ANXA13: variants seen among roughly 807,000 people sequenced by gnomAD.
The protein encoded by ANXA13 is annexin XIII.
Under a neutral mutation model 46.6 loss-of-function variants are expected in ANXA13, and 36 were observed. That is an observed-to-expected ratio of 0.77 (90% CI 0.59 to 1.02). The LOEUF is 1.02. ANXA13 is among the 50% of genes least tolerant of loss of function. The probability of loss-of-function intolerance (pLI) is 0.00; values close to 1 mark genes in which losing one functional copy is unlikely to be tolerated. For synonymous variants in ANXA13, 163 were observed against 152.9 expected, an observed-to-expected ratio of 1.07 and a Z score of -0.49; for missense variants, 417 against 396.5, an observed-to-expected ratio of 1.05 and a Z score of -0.44.
At chr8:123,701,493 C>T (rs1044908884) in intron 3 of ANXA13, among the ~76,000 whole-genome samples, 4 of 151,816 alleles carry the variant, frequency 2.6e-5, no homozygotes, top group Middle Eastern at 3.4e-3. Context: ...ACAACAACAA[C>T]AAAAAAAACC....
At chr8:123,727,047 T>C (rs4871410) in intron 1 of ANXA13, among the ~76,000 whole-genome samples, 34,162 of 151,908 alleles carry the variant, frequency 0.22, 5,006 homozygotes, top group Non-Finnish European at 0.33. Flanking sequence ...TTTTTGGGAC[T>C]TGGGGGAAAG....
intron 1 of ANXA13, among the ~76,000 whole-genome samples, chr8:123,718,785 C>T (rs546734540): frequency 6.6e-6 from 1 of 152,192 alleles, no homozygotes; most frequent in Non-Finnish European, 1.5e-5. Flanking sequence ...TCCTAGGAAG[C>T]GGTGTCACCT....
intron 10 of ANXA13, among the ~76,000 whole-genome samples, chr8:123,683,049 G>T (rs1813067124): frequency 6.6e-6 from 1 of 152,124 alleles, no homozygotes; most frequent in Non-Finnish European, 1.5e-5. Context: ...TCATCTCTCA[G>T]TGACTTTGGC....
At position 123,702,733 on chromosome 8, in the gene ANXA13, G is replaced by A. The variant is rs143611161; in HGVS notation, c.95C>T (p.Thr32Ile). ...GATTTCAATGATGGCTGCTTCATTG[G>A]TCCCTAAAATACAGGAGAAACAAAC... The part of the protein sequence containing the change: ...KLNKACKGMG[T>I]NEAAIIEILS... The change falls in exon 3 of 11, where the codon ACC becomes ATC. Residue 32 changes from threonine (T) to isoleucine (I), a missense_variant. By Grantham distance (89) the Thr-to-Ile change is moderately conservative. Transcript: ENST00000419625. 1.9e-6 allele frequency: 3 copies of A among 1,612,494 alleles called. No homozygotes were observed. In the African/African-American group the frequency reaches 4.0e-5, roughly 22 times the overall value.
intron 6 of ANXA13, among the ~76,000 whole-genome samples, chr8:123,693,991 CT>C (rs375293398): frequency 2.7e-3 from 386 of 143,578 alleles, no homozygotes; most frequent in Middle Eastern, 3.6e-3. Flanking sequence ...TTGGTTTTGC[CT>C]TTTTTTTTTT....
intron 2 of ANXA13, among the ~76,000 whole-genome samples, chr8:123,708,042 TACTACCCAGTC>T (rs1027271657): frequency 4.6e-5 from 7 of 152,122 alleles, no homozygotes; most frequent in African/African-American, 1.7e-4. Context: ...GGGGTGTTTC[TACTACCCAGTC>T]ACTGAACAGT....
chr8:123,683,174 A>G (rs1412045155), intron 10 of ANXA13, among the ~76,000 whole-genome samples: 2 of 152,238 alleles, frequency 1.3e-5, no homozygotes, highest in East Asian at 3.9e-4. Context: ...GCAGGAGCAG[A>G]GCAGAGAGAC....
chr8:123,701,253 C>T (rs1813441957), intron 3 of ANXA13, among the ~76,000 whole-genome samples: 2 of 152,058 alleles, frequency 1.3e-5, no homozygotes, highest in Admixed American at 6.6e-5. Context: ...GGGCAGATCA[C>T]GAAGTCAGGA....
At chr8:123,723,563 A>G (rs944564282) in intron 1 of ANXA13, among the ~76,000 whole-genome samples, 2 of 152,056 alleles carry the variant, frequency 1.3e-5, no homozygotes, top group African/African-American at 2.4e-5. Context: ...TCTCCTCCCA[A>G]CTCTGCTTGG....
At chr8:123,722,824 C>T (rs1813910127) in intron 1 of ANXA13, among the ~76,000 whole-genome samples, 1 of 152,118 alleles carries the variant, frequency 6.6e-6, no homozygotes, top group South Asian at 2.1e-4. Context: ...GGCCCTTCTG[C>T]CCTTCAAAGG....
intron 6 of ANXA13, 35 bp downstream of exon 6, chr8:123,695,467 A>G: frequency 6.5e-7 from 1 of 1,532,550 alleles, no homozygotes; most frequent in East Asian, 2.2e-5. Context: ...TTCTTTCCTA[A>G]GATGATAAAA....
chr8:123,725,899 C>T (rs2129934069), intron 1 of ANXA13, among the ~76,000 whole-genome samples: 1 of 152,244 alleles, frequency 6.6e-6, no homozygotes, highest in African/African-American at 2.4e-5. Flanking sequence ...TGTTAGGAAA[C>T]TTGAGCTCTG....
At position 123,698,507 on chromosome 8, in the gene ANXA13, G is replaced by C. The variant is rs1158464506; in HGVS notation, c.239C>G (p.Ala80Gly). Residue 80 changes from alanine (A) to glycine (G), a missense_variant, in exon 4 of 11, where the codon GCG (alanine) becomes GGG (glycine). Coordinates refer to ENST00000419625, the MANE Select transcript of ANXA13 (RefSeq NM_004306.4). ...GCTGGGACGGTCCAGAAGGGCCAAC[G>C]CTGTCTTCTCGAAGTTTCCACTCAG... is the stretch of plus-strand genomic sequence containing the variant. ...SELSGNFEKT[A>G]LALLDRPSEY... 1 of 1,614,088 alleles carries C rather than the reference G, an allele frequency of 6.2e-7. No homozygotes were observed. Among genetic ancestry groups the C allele is most frequent in the African/African-American group, 1.3e-5 (1 of 74,938 alleles).
Position 123,693,796 on chromosome 8 carries a change from A to G in ANXA13, c.472-17T>C. The G allele has an allele frequency of 6.2e-7, 1 of 1,610,098 alleles. No homozygotes were observed. Among genetic ancestry groups the G allele is most frequent in the Non-Finnish European group, 8.5e-7 (1 of 1,177,044 alleles). ...GCGATTAGCCTAGAAAAATTGACAC[A>G]TTGTTATTAACTTGCATTCCTGCTT... is the stretch of plus-strand genomic sequence containing the variant. On this transcript the variant is annotated splice_polypyrimidine_tract_variant and intron_variant, in intron 6 of 10. Coordinates refer to ENST00000419625, the MANE Select transcript of ANXA13 (RefSeq NM_004306.4).
At chr8:123,710,605 C>T (rs1280483973) in intron 2 of ANXA13, among the ~76,000 whole-genome samples, 2 of 152,130 alleles carry the variant, frequency 1.3e-5, no homozygotes, top group African/African-American at 4.8e-5. Flanking sequence ...CAGTCTGTCC[C>T]CACCCCCTCC....
At chr8:123,735,040 C>T (rs1814224238) in intron 1 of ANXA13, among the ~76,000 whole-genome samples, 1 of 147,472 alleles carries the variant, frequency 6.8e-6, no homozygotes, top group African/African-American at 2.5e-5. Context: ...TCAGAAGTCA[C>T]ATACCACATC....
intron 1 of ANXA13, among the ~76,000 whole-genome samples, chr8:123,713,006 G>C (rs1407059581): frequency 6.6e-6 from 1 of 152,160 alleles, no homozygotes; most frequent in Non-Finnish European, 1.5e-5. Context: ...AATCATCCTG[G>C]CCAGCTCTGC....
intron 3 of ANXA13, 131 bp from the exon 4 acceptor site, chr8:123,698,690 C>T: frequency 2.1e-6 from 2 of 957,998 alleles, no homozygotes; most frequent in Middle Eastern, 2.3e-4. Flanking sequence ...CAACCTGCAA[C>T]CTGCTGAGAA....
intron 6 of ANXA13, among the ~76,000 whole-genome samples, chr8:123,694,320 A>G (rs1207631572): frequency 1.3e-5 from 2 of 152,248 alleles, no homozygotes; most frequent in East Asian, 3.8e-4. Flanking sequence ...GGAATTTTGC[A>G]GATATAATTC....
Sources: gnomAD v4.1 joint callset for allele counts (sites outside exome capture counted in the v4.1 genomes callset) on GRCh38, gnomAD v4.1.1 for gene constraint, MANE v1.5 for transcripts, NCBI Gene and HGNC (gene_info 2026-07-23, HGNC 2026-07-21) for gene names.